The following NPAS2 variants were observed in gnomAD, a reference collection of about 807,000 sequenced individuals.
NPAS2 encodes the protein neuronal PAS domain protein 2, also known as neuronal PAS domain-containing protein 2.
NPAS2 carries 23 observed loss-of-function variants against 107.5 expected under a neutral mutation model. That is an observed-to-expected ratio of 0.21 (90% CI 0.15 to 0.30). The LOEUF (loss-of-function observed/expected upper bound fraction) is 0.30, where lower values mean the gene tolerates loss of function less well. NPAS2 is among the 10% of genes least tolerant of loss of function. The pLI, the probability that NPAS2 is intolerant of heterozygous loss-of-function variation, is 1.00. For missense variants in NPAS2, 756 were observed against 1,043.3 expected, an observed-to-expected ratio of 0.72 and a Z score of 3.79; for synonymous variants, 403 against 417.5, an observed-to-expected ratio of 0.97 and a Z score of 0.42.
intron 3 of NPAS2, among the ~76,000 whole-genome samples, chr2:100,927,431 T>C (rs1292471071): frequency 6.6e-6 from 1 of 152,264 alleles, no homozygotes; most frequent in Non-Finnish European, 1.5e-5. Flanking sequence ...ATACAAATCA[T>C]AACTGTACAG....
At chr2:100,880,689 A>G (rs1189240668) in intron 1 of NPAS2, among the ~76,000 whole-genome samples, 1 of 152,208 alleles carries the variant, frequency 6.6e-6, no homozygotes, top group African/African-American at 2.4e-5. Flanking sequence ...TGGTAGTTGC[A>G]CAACATTATG....
chr2:100,910,350 G>A (rs1161515409), intron 2 of NPAS2, among the ~76,000 whole-genome samples: 2 of 152,016 alleles, frequency 1.3e-5, no homozygotes, highest in African/African-American at 4.8e-5. Flanking sequence ...GTGGTTAAGA[G>A]TAAAGCTGTT....
At position 100,912,378 on chromosome 2, in the gene NPAS2, TC is replaced by T. The variant is rs373717971; in HGVS notation, c.32+7596del. Among the ~76,000 whole-genome samples the T allele has an allele frequency of 4.5e-4, 69 of 152,232 alleles. 1 individual carries two copies. In the East Asian group the frequency reaches 9.7e-3, roughly 21 times the overall value. ...GACCCCAGGTAAGATATGCCAGAAT[TC>T]CCCGTCTGGAAGGAACTTGGGTATC... On this transcript the variant is annotated intron_variant, in intron 2 of 20. Coordinates refer to ENST00000335681, the MANE Select transcript of NPAS2 (RefSeq NM_002518.4).
At chr2:100,982,832 T>C (rs3754677) in intron 16 of NPAS2, 88,985 of 173,224 alleles carry the variant, frequency 0.51, 25,000 homozygotes, top group Middle Eastern at 0.66. Context: ...AATGATGATA[T>C]CCATATCACA....
In NPAS2 at chr2:100,961,739, C is replaced by T. The variant is rs373865605; in HGVS notation, c.599-2319C>T. Among the ~76,000 whole-genome samples the T allele has an allele frequency of 9.8e-5, 15 of 152,306 alleles. No homozygotes were observed. In the East Asian group the frequency reaches 2.1e-3, roughly 22 times the overall value. Reference sequence around the variant, plus strand: ...CCCACTTCACAATCTTTTTCTGTCCCCTTCTCCTCATCACAGTGAATCAGG... The same window carrying T: ...CCCACTTCACAATCTTTTTCTGTCCTCTTCTCCTCATCACAGTGAATCAGG... On this transcript the variant is annotated intron_variant, in intron 7 of 20. Transcript: ENST00000335681.
chr2:100,819,708 C>T (rs941643764), upstream of NPAS2, among the ~76,000 whole-genome samples: 2 of 151,674 alleles, frequency 1.3e-5, no homozygotes, highest in Non-Finnish European at 2.9e-5. The surrounding 1 kb of genome is among the most constrained non-coding windows in gnomAD (Gnocchi z 5.8). Flanking sequence ...CTTGTTCCCC[C>T]CGAGTGACAA....
intron 7 of NPAS2, among the ~76,000 whole-genome samples, chr2:100,963,388 T>A (rs1220822853): frequency 6.6e-6 from 1 of 151,586 alleles, no homozygotes; most frequent in East Asian, 1.9e-4. Flanking sequence ...TCTCTTTTTT[T>A]TGTTTGTTTT....
At chr2:100,941,765 G>A (rs1674588130) in intron 5 of NPAS2, among the ~76,000 whole-genome samples, 1 of 152,118 alleles carries the variant, frequency 6.6e-6, no homozygotes, top group Non-Finnish European at 1.5e-5. Context: ...ACAGAATGGG[G>A]AAAGAGTACG....
rs554884326 is a variant in NPAS2 at position 100,929,062 on chromosome 2, C to G, written c.181+3768C>G. On this transcript the variant is annotated intron_variant, in intron 3 of 20. Transcript: ENST00000335681. Reference sequence around the variant, plus strand: ...GGGATTGCAGACACGTGCCACCACACCTGGCTAATTTTTTGTATTTTTAGT... The same window carrying G: ...GGGATTGCAGACACGTGCCACCACAGCTGGCTAATTTTTTGTATTTTTAGT... Among the ~76,000 whole-genome samples, 5 of 152,312 alleles carry G rather than the reference C, an allele frequency of 3.3e-5. No homozygotes were observed. The East Asian group carries it at 7.7e-4, about 23-fold the overall frequency.
Position 100,878,033 on chromosome 2 carries a change from C to T in NPAS2, c.-22-26700C>T. The T allele has an allele frequency of 3.0e-6, 3 of 985,378 alleles. No individual in the cohort carries two copies. In the South Asian group the frequency reaches 1.4e-4, roughly 46 times the overall value. The allele number at this position is 985,378 out of a possible 1,614,324, so 61.0% of individuals were successfully genotyped here. ...GTATAGCTAATACCAGAGTGCTGTT[C>T]TTTGTAGGCCCCGTGGACCTGCCGT... On this transcript the variant is annotated intron_variant, in intron 1 of 20. Coordinates refer to ENST00000335681, the MANE Select transcript of NPAS2 (RefSeq NM_002518.4).
At chr2:100,858,271 C>T (rs142321477) in intron 1 of NPAS2, among the ~76,000 whole-genome samples, 2 of 152,238 alleles carry the variant, frequency 1.3e-5, no homozygotes, top group East Asian at 3.9e-4. Flanking sequence ...ACCAGCAAGA[C>T]GTAGAGAAAG....
chr2:100,850,225 A>G (rs1301367363), intron 1 of NPAS2, among the ~76,000 whole-genome samples: 4 of 152,198 alleles, frequency 2.6e-5, no homozygotes, highest in African/African-American at 9.6e-5. Flanking sequence ...CTTCAGTATA[A>G]GGAAAATAAA....
chr2:100,988,095 C>T lies in NPAS2; in HGVS notation c.1646C>T (p.Pro549Leu). ...DSNVQMFLQQ[P>L]AVSLSFSSTQ... ...TGCTCCCAGATGTTCCTGCAGCAGCCAGCTGTATCCCTGAGCTTCAGCAGC... is the reference window on the plus strand; with the variant it reads ...TGCTCCCAGATGTTCCTGCAGCAGCTAGCTGTATCCCTGAGCTTCAGCAGC... The change falls in exon 17 of 21, where the codon CCA (proline) becomes CTA (leucine). Residue 549 changes from proline to leucine, a missense_variant. Pro to Leu is a moderately conservative substitution (Grantham distance 98). This residue lies in a region of NPAS2 where 496 missense variants were observed against 594.4 expected (regional missense o/e 0.83). Transcript: ENST00000335681. The T allele has an allele frequency of 6.2e-7, 1 of 1,614,038 alleles. No homozygotes were observed. The highest frequency in any genetic ancestry group is 8.5e-7 in the Non-Finnish European group (1 of 1,179,904).
chr2:100,982,182 G>T (rs1677484495), intron 15 of NPAS2, 49 bp from the exon 16 acceptor site: 2 of 1,608,598 alleles, frequency 1.2e-6, no homozygotes, highest in South Asian at 1.1e-5. Context: ...TGCCTGCAAG[G>T]CTGAAATAAC....
At chr2:100,923,052 T>C (rs1187276785) in intron 2 of NPAS2, among the ~76,000 whole-genome samples, 1 of 152,198 alleles carries the variant, frequency 6.6e-6, no homozygotes, top group Admixed American at 6.5e-5. Context: ...GCATAGACAT[T>C]CACTCTGAAA....
At chr2:100,948,101 C>G in intron 5 of NPAS2, 134 bp from the exon 6 acceptor site, 2 of 948,788 alleles carry the variant, frequency 2.1e-6, no homozygotes, top group Non-Finnish European at 3.2e-6. Context: ...CTGAGAGTGT[C>G]CACAGAAAAT....
chr2:100,953,095 G>T (rs1311536581), intron 7 of NPAS2, among the ~76,000 whole-genome samples: 1 of 134,410 alleles, frequency 7.4e-6, no homozygotes, highest in Non-Finnish European at 1.7e-5. Flanking sequence ...CCCTATAAAG[G>T]CCAGATGCAG....
chr2:100,902,119 G>A (rs1573581384), intron 1 of NPAS2, among the ~76,000 whole-genome samples: 1 of 151,928 alleles, frequency 6.6e-6, no homozygotes. Context: ...AACTTTATAC[G>A]GTTGAGAAGA....
intron 2 of NPAS2, among the ~76,000 whole-genome samples, chr2:100,911,488 A>G (rs148192113): frequency 1.3e-3 from 203 of 152,296 alleles, no homozygotes; most frequent in Non-Finnish European, 2.4e-3. Flanking sequence ...GCAGTGGCGC[A>G]ATCATGGCTC....
Sources: allele counts gnomAD v4.1 joint callset (sites outside exome capture counted in the v4.1 genomes callset), GRCh38; gene constraint gnomAD v4.1.1; regional missense constraint gnomAD v4.1.1; non-coding constraint Gnocchi (gnomAD v3.1); transcripts MANE v1.5; gene names NCBI Gene and HGNC (gene_info 2026-07-23, HGNC 2026-07-21).